Variants in KCNIP4 observed in about 807,000 individuals in gnomAD.
KCNIP4 encodes the protein potassium voltage-gated channel interacting protein 4, also known as Kv channel-interacting protein 4.
A neutral mutation model predicts 34.0 loss-of-function variants in KCNIP4; 12 were observed. The ratio of observed to expected loss-of-function variants is 0.35; its 90% CI spans 0.23 to 0.57. The LOEUF is 0.57. Among genes scored for constraint, KCNIP4 ranks in the 20% least tolerant of loss-of-function variants. KCNIP4 has a pLI of 0.83. For missense variants in KCNIP4, 238 were observed against 311.7 expected, an observed-to-expected ratio of 0.76 and a Z score of 1.78; for synonymous variants, 124 against 102.2, an observed-to-expected ratio of 1.21 and a Z score of -1.29.
At chr4:20,774,034 G>A (rs1756147744) in intron 3 of KCNIP4, among the ~76,000 whole-genome samples, 1 of 152,158 alleles carries the variant, frequency 6.6e-6, no homozygotes, top group African/African-American at 2.4e-5. Context: ...GTTTAACAGG[G>A]GAACATTTTA....
chr4:21,668,896 G>A (rs540790485), intron 1 of KCNIP4, among the ~76,000 whole-genome samples: 23 of 152,076 alleles, frequency 1.5e-4, no homozygotes, highest in South Asian at 4.2e-4. Flanking sequence ...GCCCACTTGC[G>A]GATTGTTTTC....
intron 1 of KCNIP4, among the ~76,000 whole-genome samples, chr4:21,477,949 G>T (rs563313310): frequency 6.6e-6 from 1 of 152,000 alleles, no homozygotes; most frequent in Admixed American, 6.6e-5. Context: ...TTATTGAAAC[G>T]TTGTTATAAA....
At chr4:20,894,533 T>C (rs754271537) in intron 1 of KCNIP4, among the ~76,000 whole-genome samples, 1 of 152,234 alleles carries the variant, frequency 6.6e-6, no homozygotes, top group Non-Finnish European at 1.5e-5. Flanking sequence ...TTTCCTTTTG[T>C]TCATTCTTTT....
At chr4:21,430,181 T>G (rs961085648) in intron 1 of KCNIP4, among the ~76,000 whole-genome samples, 19 of 152,168 alleles carry the variant, frequency 1.2e-4, no homozygotes, top group African/African-American at 4.3e-4. Flanking sequence ...ACATATCTTT[T>G]ATCTTAATGA....
rs773807036 is a variant in KCNIP4, at chr4:20,734,252, A to G, written c.537+376T>C. Among the ~76,000 whole-genome samples the G allele has an allele frequency of 1.3e-3, 205 of 152,292 alleles. 5 individuals carry two copies. The highest frequency in any genetic ancestry group is 1.3e-3 in the Non-Finnish European group (89 of 68,032). Reference sequence around the variant, plus strand: ...TGCGTCAGGTCATTCCACAATCCCCATGATTGTAAAATTTCATTTCCTTAT... The same window carrying G: ...TGCGTCAGGTCATTCCACAATCCCCGTGATTGTAAAATTTCATTTCCTTAT... On this transcript the variant is annotated intron_variant, in intron 6 of 8. Coordinates refer to ENST00000382152, the MANE Select transcript of KCNIP4 (RefSeq NM_025221.6).
chr4:21,372,453 T>A (rs2109444331), intron 1 of KCNIP4, among the ~76,000 whole-genome samples: 1 of 146,844 alleles, frequency 6.8e-6, no homozygotes, highest in Middle Eastern at 3.4e-3. Context: ...TATGTGTGTA[T>A]GTGTGTGTAT....
At chr4:21,860,378 C>A (rs1230494769) in intron 1 of KCNIP4, among the ~76,000 whole-genome samples, 1 of 152,094 alleles carries the variant, frequency 6.6e-6, no homozygotes, top group Non-Finnish European at 1.5e-5. Flanking sequence ...AAGTGATCCG[C>A]CTGCCTCAGC....
At chr4:21,847,527 A>G (rs747250646) in intron 1 of KCNIP4, 15 of 152,178 alleles carry the variant, frequency 9.9e-5, no homozygotes, top group South Asian at 2.1e-4. Context: ...CACTTAACCA[A>G]TTACGCAGGA....
intron 1 of KCNIP4, among the ~76,000 whole-genome samples, chr4:21,829,480 C>CA (rs1309737964): frequency 6.7e-6 from 1 of 149,762 alleles, no homozygotes; most frequent in East Asian, 2.0e-4. Flanking sequence ...GTAGATTTTC[C>CA]AAAAAAGTAG....
intron 1 of KCNIP4, among the ~76,000 whole-genome samples, chr4:21,888,408 AGACTCATAC>A (rs1726907439): frequency 6.6e-6 from 1 of 152,130 alleles, no homozygotes; most frequent in African/African-American, 2.4e-5. Context: ...CCCTGTGCTT[AGACTCATAC>A]GATTCAGATG....
intron 1 of KCNIP4, among the ~76,000 whole-genome samples, chr4:20,904,329 G>GTATATATATATA (rs71655609): frequency 4.1e-5 from 6 of 144,940 alleles, no homozygotes; most frequent in Non-Finnish European, 9.0e-5. Context: ...ATGTGTGTGT[G>GTATATATATATA]TGTATATATA....
intron 1 of KCNIP4, among the ~76,000 whole-genome samples, chr4:21,675,463 A>G (rs1185288623): frequency 6.6e-6 from 1 of 152,126 alleles, no homozygotes; most frequent in Non-Finnish European, 1.5e-5. Context: ...ATTGTTTGTA[A>G]CTCAAAGGAT....
intron 1 of KCNIP4, among the ~76,000 whole-genome samples, chr4:21,556,803 C>A (rs1475111267): frequency 1.3e-5 from 2 of 151,308 alleles, no homozygotes; most frequent in African/African-American, 4.9e-5. Flanking sequence ...TGCCTGTAAT[C>A]CCAGCTACTC....
chr4:21,349,779 G>A (rs1195637281), intron 1 of KCNIP4, among the ~76,000 whole-genome samples: 1 of 152,118 alleles, frequency 6.6e-6, no homozygotes, highest in Non-Finnish European at 1.5e-5. Flanking sequence ...AAATTGCAAT[G>A]GAAGTAGCTA....
At chr4:21,933,788 A>C (rs1729705371) in intron 1 of KCNIP4, among the ~76,000 whole-genome samples, 1 of 152,140 alleles carries the variant, frequency 6.6e-6, no homozygotes, top group African/African-American at 2.4e-5. Flanking sequence ...TGATGGCAGA[A>C]ATATGAGACT....
At chr4:20,876,821 C>T (rs1724094267) in intron 2 of KCNIP4, among the ~76,000 whole-genome samples, 2 of 152,144 alleles carry the variant, frequency 1.3e-5, no homozygotes, top group South Asian at 4.1e-4. Context: ...ATCCACCCAC[C>T]TCGGCCTCCC....
chr4:21,488,701 ATCAGTG>A (rs1468986593), intron 1 of KCNIP4, among the ~76,000 whole-genome samples: 1 of 147,266 alleles, frequency 6.8e-6, no homozygotes, highest in African/African-American at 2.7e-5. Context: ...CACAAAAAGC[ATCAGTG>A]TTGGCAGGTG....
At chr4:21,715,084 A>C (rs1338543671) in intron 1 of KCNIP4, among the ~76,000 whole-genome samples, 1 of 48,502 alleles carries the variant, frequency 2.1e-5, no homozygotes, top group Non-Finnish European at 3.0e-5. Context: ...ATTTTATTTT[A>C]TTTTATTTAT....
At chr4:20,831,842 C>T (rs1460342528) in intron 3 of KCNIP4, among the ~76,000 whole-genome samples, 1 of 152,176 alleles carries the variant, frequency 6.6e-6, no homozygotes, top group East Asian at 1.9e-4. Flanking sequence ...GTAAATTGCT[C>T]TGTTGTGTGT....
Sources: allele counts gnomAD v4.1 joint callset (sites outside exome capture counted in the v4.1 genomes callset), GRCh38; gene constraint gnomAD v4.1.1; transcripts MANE v1.5; gene names NCBI Gene and HGNC (gene_info 2026-07-23, HGNC 2026-07-21).